The following SLC13A3 variants were observed in gnomAD, a reference collection of about 807,000 sequenced individuals.
The protein encoded by SLC13A3 is Na(+)/dicarboxylate cotransporter 3.
Under a neutral mutation model 59.0 loss-of-function variants are expected in SLC13A3, and 40 were observed. The ratio of observed to expected loss-of-function variants is 0.68; its 90% confidence interval spans 0.53 to 0.88. The LOEUF (loss-of-function observed/expected upper bound fraction) is 0.88. SLC13A3 is among the 40% of genes least tolerant of loss of function. SLC13A3 has a pLI of 0.00. For synonymous variants in SLC13A3, 317 were observed against 330.3 expected (o/e 0.96, Z 0.44); for missense variants, 699 against 783.2 (o/e 0.89, Z 1.28).
At chr20:46,640,366 G>A (rs1196424546) in intron 1 of SLC13A3, among the ~76,000 whole-genome samples, 3 of 152,152 alleles carry the variant, frequency 2.0e-5, no homozygotes, top group Non-Finnish European at 4.4e-5. Flanking sequence ...CAGGGCAGGG[G>A]CTTGCTGGCC....
intron 2 of SLC13A3, among the ~76,000 whole-genome samples, chr20:46,611,463 A>T (rs3092495): frequency 2.6e-5 from 4 of 151,884 alleles, no homozygotes; most frequent in African/African-American, 9.7e-5. Context: ...CATTGGAATT[A>T]GTTCCATAGA....
chr20:46,596,391 C>T, intron 4 of SLC13A3, 49 bp from the exon 5 acceptor site: 2 of 1,547,674 alleles, frequency 1.3e-6, no homozygotes, highest in African/African-American at 1.4e-5. Flanking sequence ...GGAGAACAGG[C>T]CACAGACTGC....
chr20:46,594,389 G>C (rs532774683), intron 5 of SLC13A3, among the ~76,000 whole-genome samples: 4 of 152,248 alleles, frequency 2.6e-5, no homozygotes, highest in Admixed American at 1.3e-4. Flanking sequence ...CAGGCAGCCT[G>C]TAAACGCTTT....
At chr20:46,583,945 G>A (rs922928935) in intron 8 of SLC13A3, 16 of 985,256 alleles carry the variant, frequency 1.6e-5, no homozygotes, top group Non-Finnish European at 1.9e-5. Context: ...TGACCAAAGA[G>A]GGGAGAATCC....
intron 9 of SLC13A3, chr20:46,583,343 A>T: frequency 8.2e-7 from 1 of 1,218,298 alleles, no homozygotes; most frequent in Non-Finnish European, 1.0e-6. Flanking sequence ...CTGTTCAAAA[A>T]CAGATAGCAG....
intron 2 of SLC13A3, among the ~76,000 whole-genome samples, chr20:46,612,053 T>C (rs1372410039): frequency 3.1e-5 from 4 of 130,712 alleles, no homozygotes; most frequent in African/African-American, 1.3e-4. Context: ...AAAAAATCCC[T>C]GACATTTTCT....
At position 46,642,884 on chromosome 20, in the gene SLC13A3, A is replaced by ACCATCTGCCG. The variant is rs200976873; in HGVS notation, c.111+8417_111+8426dup. The stretch of plus-strand genomic sequence containing the variant: ...CAGGAGTCTGGAAGTCAGCCTGAGA[A>ACCATCTGCCG]CCATCTGCCGCCATCTGCCGCCATC... On this transcript the variant is annotated intron_variant, in intron 1 of 12. Coordinates refer to ENST00000279027, the MANE Select transcript of SLC13A3 (RefSeq NM_022829.6). Among the ~76,000 whole-genome samples, 1,115 of 152,244 alleles carry ACCATCTGCCG rather than the reference A, an allele frequency of 7.3e-3. 10 individuals are homozygous for ACCATCTGCCG. Among genetic ancestry groups the ACCATCTGCCG allele is most frequent in the African/African-American group, 0.024 (978 of 41,536 alleles).
At chr20:46,678,803 G>A (rs543292817) in intron 1 of SLC13A3, among the ~76,000 whole-genome samples, 1 of 152,284 alleles carries the variant, frequency 6.6e-6, no homozygotes, top group Non-Finnish European at 1.5e-5. Context: ...GACCTCCAGT[G>A]TAGGAGGTGG....
At chr20:46,667,447 A>T (rs981303977) in intron 1 of SLC13A3, among the ~76,000 whole-genome samples, 1 of 152,216 alleles carries the variant, frequency 6.6e-6, no homozygotes, top group African/African-American at 2.4e-5. Flanking sequence ...AATATTTAGC[A>T]TTAGAGCAGA....
chr20:46,604,381 G>A (rs894528466), intron 3 of SLC13A3, among the ~76,000 whole-genome samples: 1 of 152,152 alleles, frequency 6.6e-6, no homozygotes, highest in Non-Finnish European at 1.5e-5. Flanking sequence ...AACTCAGCTT[G>A]TTTCATTACT....
intron 10 of SLC13A3, among the ~76,000 whole-genome samples, chr20:46,574,198 G>A (rs182743833): frequency 4.9e-4 from 74 of 152,304 alleles, no homozygotes; most frequent in African/African-American, 1.7e-3. Flanking sequence ...TTCAAACAAT[G>A]GCTGGCATGT....
intron 3 of SLC13A3, among the ~76,000 whole-genome samples, chr20:46,606,570 G>A (rs2062438979): frequency 6.6e-6 from 1 of 152,176 alleles, no homozygotes; most frequent in Non-Finnish European, 1.5e-5. Context: ...CAGATATGGT[G>A]GCTCACGCCT....
chr20:46,596,605 A>G (rs2062315512), intron 4 of SLC13A3, among the ~76,000 whole-genome samples: 1 of 152,216 alleles, frequency 6.6e-6, no homozygotes, highest in Non-Finnish European at 1.5e-5. Flanking sequence ...CTAAATGCCC[A>G]TCAAAAAGGG....
intron 3 of SLC13A3, among the ~76,000 whole-genome samples, chr20:46,609,314 T>C (rs775626342): frequency 1.3e-5 from 2 of 152,222 alleles, no homozygotes; most frequent in African/African-American, 4.8e-5. Flanking sequence ...GGGAAAATCA[T>C]TTCCCTCTTG....
intron 1 of SLC13A3, among the ~76,000 whole-genome samples, chr20:46,630,746 T>C (rs1458321075): frequency 6.6e-6 from 1 of 152,228 alleles, no homozygotes; most frequent in Admixed American, 6.5e-5. Flanking sequence ...ATATCTGTAT[T>C]TTCTAATCTT....
chr20:46,598,535 G>A (rs1431386050), intron 4 of SLC13A3, among the ~76,000 whole-genome samples: 1 of 152,208 alleles, frequency 6.6e-6, no homozygotes, highest in East Asian at 1.9e-4. Context: ...CCCAGTGCAA[G>A]CACTGCACAG....
chr20:46,631,587 G>A (rs1026146580), intron 1 of SLC13A3, among the ~76,000 whole-genome samples: 1 of 152,020 alleles, frequency 6.6e-6, no homozygotes, highest in South Asian at 2.1e-4. Context: ...TGCCTCATGT[G>A]GCCACCCTAG....
intron 1 of SLC13A3, among the ~76,000 whole-genome samples, chr20:46,632,751 G>A (rs913732877): frequency 1.3e-5 from 2 of 152,022 alleles, no homozygotes; most frequent in African/African-American, 2.4e-5. Context: ...ATAAGTTCAC[G>A]TAGGTAAAAG....
chr20:46,656,268 G>C (rs540994410), upstream of SLC13A3, among the ~76,000 whole-genome samples: 1 of 126,146 alleles, frequency 7.9e-6, no homozygotes, highest in East Asian at 2.2e-4. Flanking sequence ...TATATAGACT[G>C]TACAGTATAT....
Sources: allele counts gnomAD v4.1 joint callset (sites outside exome capture counted in the v4.1 genomes callset), GRCh38; gene constraint gnomAD v4.1.1; transcripts MANE v1.5; gene names NCBI Gene and HGNC (gene_info 2026-07-23, HGNC 2026-07-21).